PDE7B: variants seen among roughly 807,000 people sequenced by gnomAD.
PDE7B encodes the protein 3',5'-cyclic-AMP phosphodiesterase 7B.
In PDE7B, 29 loss-of-function variants were observed where a neutral mutation model predicts 56.2. The ratio of observed to expected loss-of-function variants is 0.52; its 90% CI spans 0.38 to 0.70. The LOEUF (loss-of-function observed/expected upper bound fraction) is 0.70, where lower values mean the gene tolerates loss of function less well. PDE7B is among the 30% of genes least tolerant of loss of function. The pLI is 0.00. For synonymous variants in PDE7B, 197 were observed against 196.9 expected (o/e 1.00, Z 0.00); for missense variants, 490 against 565.0 (o/e 0.87, Z 1.35).
chr6:136,150,569 T>C (rs1471545), intron 5 of PDE7B, among the ~76,000 whole-genome samples: 60,694 of 152,078 alleles, frequency 0.4, 12,597 homozygotes, highest in East Asian at 0.55. Context: ...GGCCTCATTG[T>C]CTGTGCTTTT....
chr6:135,856,330 G>A (rs962922807), intron 1 of PDE7B, among the ~76,000 whole-genome samples: 3 of 152,160 alleles, frequency 2.0e-5, no homozygotes, highest in African/African-American at 7.2e-5. Flanking sequence ...TGTGAAAATT[G>A]TAGCTAGAAA....
At chr6:136,089,710 T>C (rs1777354470) in intron 2 of PDE7B, among the ~76,000 whole-genome samples, 1 of 152,216 alleles carries the variant, frequency 6.6e-6, no homozygotes, top group Admixed American at 6.5e-5. Flanking sequence ...TATTCCCAAG[T>C]GGAAAAACAT....
chr6:136,076,504 C>T (rs1777130741), intron 2 of PDE7B, among the ~76,000 whole-genome samples: 1 of 151,924 alleles, frequency 6.6e-6, no homozygotes, highest in African/African-American at 2.4e-5. Flanking sequence ...TGTGTGCCCC[C>T]AAAACTTAGA....
At chr6:136,057,321 G>C (rs1459201539) in intron 2 of PDE7B, among the ~76,000 whole-genome samples, 1 of 152,186 alleles carries the variant, frequency 6.6e-6, no homozygotes, top group African/African-American at 2.4e-5. Flanking sequence ...GGAAAGAAAA[G>C]TCATAGAACA....
At chr6:135,873,372 G>T (rs1483888047) in intron 1 of PDE7B, among the ~76,000 whole-genome samples, 1 of 152,108 alleles carries the variant, frequency 6.6e-6, no homozygotes, top group Non-Finnish European at 1.5e-5. Context: ...CTCAATATTT[G>T]AGTCCACAAA....
intron 3 of PDE7B, among the ~76,000 whole-genome samples, chr6:136,127,881 C>T (rs1778048931): frequency 6.6e-6 from 1 of 152,222 alleles, no homozygotes; most frequent in African/African-American, 2.4e-5. Flanking sequence ...TTAATGAAAA[C>T]TTTCCAGGAT....
intron 1 of PDE7B, among the ~76,000 whole-genome samples, chr6:135,944,302 G>A (rs936998323): frequency 1.8e-4 from 28 of 152,072 alleles, no homozygotes; most frequent in African/African-American, 6.0e-4. Flanking sequence ...AGTTAATCTC[G>A]TAAACTGGGT....
chr6:136,143,508 CA>C (rs1179459572), intron 3 of PDE7B, among the ~76,000 whole-genome samples: 16 of 151,030 alleles, frequency 1.1e-4, no homozygotes, highest in East Asian at 9.7e-4. Context: ...AAATTAAAAC[CA>C]AAAAAAGTCA....
intron 1 of PDE7B, among the ~76,000 whole-genome samples, chr6:135,913,170 T>C (rs532458297): frequency 6.6e-6 from 1 of 152,312 alleles, no homozygotes; most frequent in African/African-American, 2.4e-5. Flanking sequence ...AAATTGAGTA[T>C]TGATTTTGCA....
At chr6:136,060,237 C>T (rs1046573107) in intron 2 of PDE7B, among the ~76,000 whole-genome samples, 2 of 152,168 alleles carry the variant, frequency 1.3e-5, no homozygotes, top group Non-Finnish European at 2.9e-5. Context: ...AATCCCAGAC[C>T]TTCACCCTGT....
chr6:135,900,424 G>A (rs6570054), intron 1 of PDE7B, among the ~76,000 whole-genome samples: 106,404 of 151,982 alleles, frequency 0.7, 37,854 homozygotes, highest in African/African-American at 0.84. Context: ...AGATTTCCCA[G>A]TGTTTTCTCT....
At chr6:135,873,075 C>A (rs1195892934) in intron 1 of PDE7B, among the ~76,000 whole-genome samples, 2 of 152,084 alleles carry the variant, frequency 1.3e-5, no homozygotes, top group East Asian at 1.9e-4. Flanking sequence ...CATGGACGGT[C>A]CATGTATACG....
intron 1 of PDE7B, among the ~76,000 whole-genome samples, chr6:135,934,793 T>TAATAAA (rs1254246440): frequency 1.7e-5 from 2 of 114,354 alleles, no homozygotes; most frequent in African/African-American, 3.6e-5. Context: ...TATATATATT[T>TAATAAA]TAAATATATA....
chr6:136,060,146 A>G (rs1325313381), intron 2 of PDE7B, among the ~76,000 whole-genome samples: 2 of 152,236 alleles, frequency 1.3e-5, no homozygotes, highest in African/African-American at 4.8e-5. Context: ...AATAGCTAAT[A>G]TATCCCTCCT....
intron 1 of PDE7B, among the ~76,000 whole-genome samples, chr6:135,934,832 A>AAT (rs1165182294): frequency 1.8e-5 from 2 of 110,352 alleles, no homozygotes; most frequent in Non-Finnish European, 3.4e-5. Context: ...TTAATAAATA[A>AAT]ATATATATAT....
chr6:135,990,090 G>GTTT (rs949342245), intron 2 of PDE7B, among the ~76,000 whole-genome samples: 3 of 134,658 alleles, frequency 2.2e-5, no homozygotes, highest in Admixed American at 8.2e-5. Context: ...GATTTTTGGG[G>GTTT]TTTTTTTGTT....
At chr6:135,913,815 C>A (rs1433320520) in intron 1 of PDE7B, among the ~76,000 whole-genome samples, 1 of 152,114 alleles carries the variant, frequency 6.6e-6, no homozygotes, top group East Asian at 1.9e-4. Context: ...CCATTTGAAG[C>A]ACCAGAACAG....
Position 135,908,294 on chromosome 6 carries a change from A to G in PDE7B, c.22-39170A>G, listed in dbSNP as rs541352948. 3.3e-5 allele frequency among the ~76,000 whole-genome samples: 5 copies of G among 151,786 alleles called. No homozygotes were observed. In the South Asian group the frequency reaches 1.0e-3, roughly 32 times the overall value. ...TTTTAGGAGAGACCGGGGTTTCTCC[A>G]TATCGGTCAGGCTGGTCTCGTATCC... On this transcript the variant is annotated intron_variant, in intron 1 of 12. Transcript: ENST00000308191.
chr6:135,927,487 T>A (rs960668925), intron 1 of PDE7B, among the ~76,000 whole-genome samples: 2 of 152,204 alleles, frequency 1.3e-5, no homozygotes, highest in African/African-American at 4.8e-5. Context: ...AGTATGGCCA[T>A]TTTAATGATA....
Sources: allele counts gnomAD v4.1 joint callset (sites outside exome capture counted in the v4.1 genomes callset), GRCh38; gene constraint gnomAD v4.1.1; transcripts MANE v1.5; gene names NCBI Gene and HGNC (gene_info 2026-07-23, HGNC 2026-07-21).